Variants in DGKB observed in about 807,000 individuals in gnomAD.
The protein encoded by DGKB is 90 kDa diacylglycerol kinase.
DGKB carries 67 observed loss-of-function variants against 114.3 expected under a neutral mutation model. That is an observed-to-expected ratio of 0.59 (90% CI 0.48 to 0.72). The LOEUF (loss-of-function observed/expected upper bound fraction) is 0.72, where lower values mean the gene tolerates loss of function less well. Among genes scored for constraint, DGKB ranks in the 30% least tolerant of loss-of-function variants. The pLI is 0.00. For missense variants in DGKB, 907 were observed against 975.2 expected (o/e 0.93, Z 0.93); for synonymous variants, 398 against 323.1 (o/e 1.23, Z -2.49).
chr7:14,354,146 C>T (rs1016864142), intron 21 of DGKB, among the ~76,000 whole-genome samples: 4 of 151,920 alleles, frequency 2.6e-5, no homozygotes, highest in East Asian at 1.9e-4. Context: ...AGATTATCTG[C>T]AAAAATATTT....
At chr7:14,723,582 TGTATATACACATACACACAC>T (rs1339751476) in intron 5 of DGKB, among the ~76,000 whole-genome samples, 1 of 149,946 alleles carries the variant, frequency 6.7e-6, no homozygotes, top group Non-Finnish European at 1.5e-5. Flanking sequence ...TGTGTGTGTG[TGTATATACACATACACACAC>T]ATATATATGT....
rs532604283 is a variant in DGKB, at chr7:14,741,576, G to C, written c.169-5382C>G. ...TGGCTTAGGGAATGAGTAGTTTCTGGCAAATACCTGTGTGACTTCTACCAT... is the reference window on the plus strand; with the variant it reads ...TGGCTTAGGGAATGAGTAGTTTCTGCCAAATACCTGTGTGACTTCTACCAT... On this transcript the variant is annotated intron_variant, in intron 4 of 25. Coordinates refer to ENST00000402815, the MANE Select transcript of DGKB (RefSeq NM_001350709.2). Among the ~76,000 whole-genome samples, 5 of 152,196 alleles carry C rather than the reference G, an allele frequency of 3.3e-5. No homozygotes were observed. The East Asian group carries it at 7.7e-4, about 24-fold the overall frequency.
At position 14,474,710 on chromosome 7, in the gene DGKB, G is replaced by A. The variant is rs117797887; in HGVS notation, c.1835+3451C>T. Among the ~76,000 whole-genome samples the A allele has an allele frequency of 2.1e-3, 312 of 151,962 alleles. 1 individual carries two copies. The highest frequency in any genetic ancestry group is 3.4e-3 in the Middle Eastern group (1 of 290). On this transcript the variant is annotated intron_variant, in intron 21 of 25. Transcript: ENST00000402815. Reference sequence around the variant, plus strand: ...TAAATAGCACCATGAGAAGTATTATGTATGTGAATTATGAATGTAAATATG... The same window carrying A: ...TAAATAGCACCATGAGAAGTATTATATATGTGAATTATGAATGTAAATATG...
intron 9 of DGKB, among the ~76,000 whole-genome samples, chr7:14,692,143 T>C (rs918754082): frequency 6.6e-6 from 1 of 151,826 alleles, no homozygotes; most frequent in Non-Finnish European, 1.5e-5. Flanking sequence ...TATTTATAAA[T>C]TAAATAATAA....
intron 23 of DGKB, among the ~76,000 whole-genome samples, chr7:14,284,454 G>C (rs1375484697): frequency 6.9e-6 from 1 of 145,544 alleles, no homozygotes; most frequent in Non-Finnish European, 1.5e-5. Context: ...TCAGTGTGGT[G>C]ATTCCTCAGG....
rs894739310 is a variant in DGKB, at chr7:14,434,569, C to A, written c.1835+43592G>T. Among the ~76,000 whole-genome samples, 9 of 152,238 alleles carry A rather than the reference C, an allele frequency of 5.9e-5. 2 individuals are homozygous for A. ...AAAAGTAGCTCCTCCCATAGAGCCC[C>A]AGAAAGGAAAGCAGCTCATTGGACA... On this transcript the variant is annotated intron_variant, in intron 21 of 25. Coordinates refer to ENST00000402815, the MANE Select transcript of DGKB (RefSeq NM_001350709.2).
chr7:14,905,244 G>GTTTTTTTTTTTTTTT, upstream of DGKB, among the ~76,000 whole-genome samples: 1 of 139,338 alleles, frequency 7.2e-6, no homozygotes, highest in Non-Finnish European at 1.5e-5. Flanking sequence ...CATCTTGTTA[G>GTTTTTTTTTTTTTTT]TTTTTTTTTT....
At chr7:14,163,207 G>T (rs1427279020) in intron 25 of DGKB, among the ~76,000 whole-genome samples, 2 of 152,136 alleles carry the variant, frequency 1.3e-5, no homozygotes, top group East Asian at 3.9e-4. Flanking sequence ...TGTAACTACT[G>T]CAAATTAATT....
At chr7:14,747,779 G>GCACACACACACACA (rs11276008) in intron 4 of DGKB, among the ~76,000 whole-genome samples, 41 of 148,604 alleles carry the variant, frequency 2.8e-4, no homozygotes, top group South Asian at 4.2e-4. Context: ...CCACGCGCAC[G>GCACACACACACACA]CACACACACA....
intron 23 of DGKB, among the ~76,000 whole-genome samples, chr7:14,269,438 G>A (rs146376759): frequency 1.3e-5 from 2 of 152,146 alleles, no homozygotes; most frequent in Non-Finnish European, 2.9e-5. Context: ...AACTTAAATG[G>A]TCTGTTTGGT....
intron 1 of DGKB, among the ~76,000 whole-genome samples, chr7:14,901,560 T>C (rs534332664): frequency 6.6e-6 from 1 of 151,978 alleles, no homozygotes; most frequent in African/African-American, 2.4e-5. Flanking sequence ...TCCAACTAAG[T>C]CTAACATTTT....
chr7:14,352,681 T>G (rs544685219), intron 21 of DGKB, among the ~76,000 whole-genome samples: 3 of 152,124 alleles, frequency 2.0e-5, no homozygotes, highest in African/African-American at 4.8e-5. Flanking sequence ...TCCCAGCACT[T>G]TGGGAGGCAG....
intron 23 of DGKB, among the ~76,000 whole-genome samples, chr7:14,304,878 G>A (rs1334618234): frequency 3.3e-5 from 5 of 151,964 alleles, no homozygotes; most frequent in East Asian, 1.9e-4. Context: ...AAACCATTTC[G>A]ACAGAAGCAG....
At chr7:14,882,736 C>A (rs980760890) in intron 1 of DGKB, among the ~76,000 whole-genome samples, 1 of 152,016 alleles carries the variant, frequency 6.6e-6, no homozygotes, top group Non-Finnish European at 1.5e-5. Context: ...TAATAACCTT[C>A]AGTTCCATCT....
At chr7:14,296,092 C>A (rs1802505102) in intron 23 of DGKB, among the ~76,000 whole-genome samples, 1 of 150,098 alleles carries the variant, frequency 6.7e-6, no homozygotes, top group South Asian at 2.1e-4. Flanking sequence ...AGTGCAGAGG[C>A]ACAATCTCGG....
chr7:14,213,881 CT>C (rs548720149), intron 23 of DGKB, among the ~76,000 whole-genome samples: 41 of 152,170 alleles, frequency 2.7e-4, no homozygotes, highest in Middle Eastern at 3.4e-3. Context: ...ATAAATGTTT[CT>C]TTTTTTCCAA....
chr7:14,473,862 C>G (rs1240404255), intron 21 of DGKB, among the ~76,000 whole-genome samples: 1 of 152,184 alleles, frequency 6.6e-6, no homozygotes, highest in Non-Finnish European at 1.5e-5. Context: ...GCCAATGTCT[C>G]CCATTTGGAA....
Position 14,718,578 on chromosome 7 carries a change from G to C in DGKB, c.430C>G (p.Leu144Val). The C allele has an allele frequency of 6.2e-7, 1 of 1,612,986 alleles. No homozygotes were observed. Among genetic ancestry groups the C allele is most frequent in the Non-Finnish European group, 8.5e-7 (1 of 1,179,470 alleles). The change falls in exon 6 of 26, where the codon CTG (leucine) becomes GTG (valine). Residue 144 changes from leucine (L) to valine (V), a missense_variant. Coordinates refer to ENST00000402815, the MANE Select transcript of DGKB (RefSeq NM_001350709.2). ...TCCTCAGGTCTTCCTCTTTCAAGCA[G>C]AGACAGGTAACAGACAATGTCCTTC... is the stretch of plus-strand genomic sequence containing the variant. ...HLKDIVCYLS[L>V]LERGRPEDKL...
At chr7:14,901,605 A>ACCCCCCCCCCCCCCCCCCCCC (rs1300363624) in intron 1 of DGKB, among the ~76,000 whole-genome samples, 65 of 123,156 alleles carry the variant, frequency 5.3e-4, no homozygotes, top group South Asian at 9.0e-4. Flanking sequence ...AGGGATTTCC[A>ACCCCCCCCCCCCCCCCCCCCC]CCCCCCCCCA....
Sources: gnomAD v4.1 joint callset for allele counts (sites outside exome capture counted in the v4.1 genomes callset) on GRCh38, gnomAD v4.1.1 for gene constraint, MANE v1.5 for transcripts, NCBI Gene and HGNC (gene_info 2026-07-23, HGNC 2026-07-21) for gene names.